Variants in AKAP7 observed in about 807,000 individuals in gnomAD.
AKAP7 encodes the protein A kinase (PRKA) anchor protein 7.
Under a neutral mutation model 39.5 loss-of-function variants are expected in AKAP7, and 39 were observed. The observed-to-expected ratio is 0.99, with a 90% CI of 0.76 to 1.29. The LOEUF (loss-of-function observed/expected upper bound fraction) is 1.29, where lower values mean the gene tolerates loss of function less well. Among genes scored for constraint, AKAP7 ranks in the 50% most tolerant of loss-of-function variants. AKAP7 has a pLI of 0.00. For synonymous variants in AKAP7, 140 were observed against 139.1 expected (o/e 1.01, Z -0.05); for missense variants, 414 against 407.7 (o/e 1.02, Z -0.13).
chr6:131,184,933 T>C (rs768608875), intron 5 of AKAP7: 39 of 823,052 alleles, frequency 4.7e-5, no homozygotes, highest in Non-Finnish European at 7.2e-5. Flanking sequence ...GCCACACCTT[T>C]ACCCTTGGAT....
At chr6:131,155,808 T>C (rs922053416) in intron 2 of AKAP7, among the ~76,000 whole-genome samples, 8 of 152,208 alleles carry the variant, frequency 5.3e-5, no homozygotes, top group Non-Finnish European at 1.0e-4. Context: ...GTTTATTCTA[T>C]TTGGTGCCCA....
rs1804088133 is a variant in AKAP7, at chr6:131,171,895, TG to T, written c.589+2625del. Among the ~76,000 whole-genome samples the T allele has an allele frequency of 3.9e-5, 6 of 152,266 alleles. No homozygotes were observed. In the South Asian group the frequency reaches 1.2e-3, roughly 32 times the overall value. On this transcript the variant is annotated intron_variant, in intron 5 of 7. Coordinates refer to ENST00000431975, the MANE Select transcript of AKAP7 (RefSeq NM_016377.4). ...ATTAGAAAAGGCAGTGAAGTCTGGA[TG>T]GGACTAATATTTGGAAGGAGAATAG...
At chr6:131,191,510 C>T (rs1450036448) in intron 5 of AKAP7, among the ~76,000 whole-genome samples, 2 of 152,042 alleles carry the variant, frequency 1.3e-5, no homozygotes, top group Non-Finnish European at 2.9e-5. Context: ...ATACCAATCT[C>T]TTGTGTTAGT....
intron 7 of AKAP7, among the ~76,000 whole-genome samples, chr6:131,235,255 A>G (rs35746376): frequency 0.29 from 43,475 of 151,976 alleles, 6,714 homozygotes; most frequent in Middle Eastern, 0.39. Flanking sequence ...TTTTATGGCT[A>G]CATAGTATTC....
intron 5 of AKAP7, chr6:131,185,377 C>G (rs1805738860): frequency 1.9e-6 from 1 of 532,398 alleles, no homozygotes; most frequent in Non-Finnish European, 3.6e-6. Context: ...AAGGCAGGCA[C>G]ATGCTGTGCT....
At chr6:131,196,963 T>G in intron 5 of AKAP7, among the ~76,000 whole-genome samples, 1 of 152,142 alleles carries the variant, frequency 6.6e-6, no homozygotes, top group Non-Finnish European at 1.5e-5. Context: ...ATTATATTTA[T>G]AACTCTGGTC....
At chr6:131,236,569 C>G (rs1218599841) in intron 7 of AKAP7, among the ~76,000 whole-genome samples, 1 of 152,188 alleles carries the variant, frequency 6.6e-6, no homozygotes. Context: ...TTTGTATCCT[C>G]TTTTATTTCG....
intron 5 of AKAP7, chr6:131,185,072 A>T (rs1407819226): frequency 5.7e-6 from 4 of 699,802 alleles, no homozygotes; most frequent in African/African-American, 1.7e-5. Context: ...CCAGGCTGTC[A>T]TCATCAACTC....
intron 5 of AKAP7, among the ~76,000 whole-genome samples, chr6:131,192,677 T>G (rs1301566358): frequency 6.6e-6 from 1 of 152,130 alleles, no homozygotes; most frequent in Non-Finnish European, 1.5e-5. Flanking sequence ...TTTGGGTAGT[T>G]TGGACATTTT....
chr6:131,261,733 T>C (rs1191317648), intron 7 of AKAP7, among the ~76,000 whole-genome samples: 1 of 152,228 alleles, frequency 6.6e-6, no homozygotes, highest in Non-Finnish European at 1.5e-5. Flanking sequence ...TGTTCCTTTG[T>C]ACCCTTTGCC....
At chr6:131,164,877 A>G (rs1301438124) in intron 3 of AKAP7, among the ~76,000 whole-genome samples, 1 of 152,172 alleles carries the variant, frequency 6.6e-6, no homozygotes, top group Admixed American at 6.5e-5. Context: ...ATGCTTTAAA[A>G]CTTACACATC....
chr6:131,205,094 A>C (rs1807964504), intron 6 of AKAP7, among the ~76,000 whole-genome samples: 1 of 152,104 alleles, frequency 6.6e-6, no homozygotes, highest in African/African-American at 2.4e-5. Flanking sequence ...ATTACAGGAA[A>C]TATTATAGGA....
At chr6:131,240,998 G>A (rs529282307) in intron 7 of AKAP7, among the ~76,000 whole-genome samples, 38 of 152,244 alleles carry the variant, frequency 2.5e-4, no homozygotes, top group African/African-American at 8.9e-4. Context: ...GAAATCACCC[G>A]TCTTCTGCGT....
At chr6:131,275,145 T>C (rs914378121) in intron 7 of AKAP7, among the ~76,000 whole-genome samples, 10 of 152,232 alleles carry the variant, frequency 6.6e-5, no homozygotes, top group Admixed American at 6.5e-4. Flanking sequence ...AATAAACAAA[T>C]AATTGGCATT....
At chr6:131,195,980 C>T (rs554068196) in intron 5 of AKAP7, among the ~76,000 whole-genome samples, 46 of 152,212 alleles carry the variant, frequency 3.0e-4, no homozygotes, top group South Asian at 2.9e-3. Flanking sequence ...TGAATATTGA[C>T]GTCTTTCTCC....
rs993231505 is a variant in AKAP7 at position 131,172,421 on chromosome 6, C to G, written c.589+3148C>G. Among the ~76,000 whole-genome samples, 5 of 152,206 alleles carry G rather than the reference C, an allele frequency of 3.3e-5. No homozygotes were observed. In the East Asian group the frequency reaches 9.7e-4, roughly 29 times the overall value. ...CTGGAGTGCAGTGGTGCAATCATGA[C>G]TCACTGCAGCCTTGAGCCTCCTAGG... is the stretch of plus-strand genomic sequence containing the variant. On this transcript the variant is annotated intron_variant, in intron 5 of 7. Transcript: ENST00000431975.
At chr6:131,181,545 C>T (rs115628438) in intron 5 of AKAP7, among the ~76,000 whole-genome samples, 32 of 152,288 alleles carry the variant, frequency 2.1e-4, no homozygotes, top group African/African-American at 7.7e-4. Flanking sequence ...CATTTTTATG[C>T]TCCCTGCTTA....
chr6:131,275,130 G>T (rs1029150261), intron 7 of AKAP7, among the ~76,000 whole-genome samples: 2 of 152,094 alleles, frequency 1.3e-5, no homozygotes, highest in African/African-American at 4.8e-5. Flanking sequence ...CTAAAGTGTT[G>T]ATTAAATAAA....
intron 4 of AKAP7, among the ~76,000 whole-genome samples, chr6:131,168,721 A>G (rs935833587): frequency 2.6e-5 from 4 of 152,324 alleles, no homozygotes; most frequent in Admixed American, 2.0e-4. Context: ...AAGTATTAGT[A>G]CTTTCATCAA....
Sources: gnomAD v4.1 joint callset for allele counts (sites outside exome capture counted in the v4.1 genomes callset) on GRCh38, gnomAD v4.1.1 for gene constraint, MANE v1.5 for transcripts, NCBI Gene and HGNC (gene_info 2026-07-23, HGNC 2026-07-21) for gene names.